ASTN1: variants seen among roughly 807,000 people sequenced by gnomAD.
ASTN1 encodes astrotactin-1.
Under a neutral mutation model 140.7 loss-of-function variants are expected in ASTN1, and 41 were observed. The observed-to-expected ratio is 0.29, with a 90% CI of 0.23 to 0.38. ASTN1 has a LOEUF of 0.38. ASTN1 is among the 10% of genes least tolerant of loss of function. The pLI, the probability that ASTN1 is intolerant of heterozygous loss-of-function variation, is 1.00. For synonymous variants in ASTN1, 640 were observed against 652.2 expected (o/e 0.98, Z 0.29); for missense variants, 1,479 against 1,678.8 (o/e 0.88, Z 2.08).
chr1:177,131,459 T>C (rs1220113259), intron 1 of ASTN1, among the ~76,000 whole-genome samples: 1 of 152,208 alleles, frequency 6.6e-6, no homozygotes, highest in African/African-American at 2.4e-5. Flanking sequence ...TTATGTTGTG[T>C]CACAAACTGA....
intron 8 of ASTN1, among the ~76,000 whole-genome samples, chr1:176,969,925 G>A (rs962961692): frequency 2.0e-5 from 3 of 152,204 alleles, no homozygotes; most frequent in African/African-American, 4.8e-5. Context: ...AGGAAGCACC[G>A]CAGACCCATG....
intron 2 of ASTN1, among the ~76,000 whole-genome samples, chr1:177,053,658 T>C (rs1364962899): frequency 1.3e-5 from 2 of 152,264 alleles, no homozygotes; most frequent in Non-Finnish European, 2.9e-5. Context: ...AATAATGCTT[T>C]GAAAATACTT....
chr1:177,076,748 T>C (rs1343848618), intron 1 of ASTN1, among the ~76,000 whole-genome samples: 1 of 152,022 alleles, frequency 6.6e-6, no homozygotes, highest in Non-Finnish European at 1.5e-5. Flanking sequence ...GTCTTGAACT[T>C]CTGACCTCAA....
intron 1 of ASTN1, among the ~76,000 whole-genome samples, chr1:177,074,989 AC>A (rs1162395924): frequency 6.6e-6 from 1 of 152,136 alleles, no homozygotes; most frequent in African/African-American, 2.4e-5. Context: ...CTTATTGGTA[AC>A]CCGGGTGGTT....
chr1:176,922,556 C>CAAAAAAAAAAAAAAAAAAAAAAAAAAA (rs71129589), intron 16 of ASTN1, among the ~76,000 whole-genome samples: 6 of 77,588 alleles, frequency 7.7e-5, no homozygotes, highest in African/African-American at 2.5e-4. Context: ...GCCCCCACTG[C>CAAAAAAAAAAAAAAAAAAAAAAAAAAA]AAAAAAAAAA....
chr1:177,125,290 G>C (rs935468893), intron 1 of ASTN1, among the ~76,000 whole-genome samples: 8 of 152,060 alleles, frequency 5.3e-5, no homozygotes, highest in African/African-American at 1.7e-4. Context: ...GATTAATTTA[G>C]GCAAAAAGCT....
chr1:177,042,907 C>T (rs1010537915), intron 2 of ASTN1, among the ~76,000 whole-genome samples: 4 of 152,196 alleles, frequency 2.6e-5, no homozygotes, highest in African/African-American at 9.7e-5. Context: ...AAGTGAGGAT[C>T]CCTAAATGTC....
chr1:177,164,322 G>C, intron 1 of ASTN1, 72 bp downstream of exon 1: 7 of 1,427,298 alleles, frequency 4.9e-6, no homozygotes, highest in Middle Eastern at 3.7e-4. Flanking sequence ...TGGGTGTGTA[G>C]AGCGAGCTGG....
At chr1:176,874,907 C>G (rs1316038283) in intron 21 of ASTN1, among the ~76,000 whole-genome samples, 4 of 152,028 alleles carry the variant, frequency 2.6e-5, no homozygotes, top group Non-Finnish European at 5.9e-5. Context: ...ATGTTGATTC[C>G]AGGTTCTCTG....
intron 1 of ASTN1, among the ~76,000 whole-genome samples, chr1:177,074,486 T>C (rs931738246): frequency 6.6e-6 from 1 of 152,204 alleles, no homozygotes; most frequent in African/African-American, 2.4e-5. Flanking sequence ...AGGACACTCA[T>C]TCAGGCTTGG....
chr1:176,871,231 G>T (rs924270963), intron 21 of ASTN1, among the ~76,000 whole-genome samples: 1 of 152,106 alleles, frequency 6.6e-6, no homozygotes. Context: ...GACAAGAAGA[G>T]GCCAAGGGAC....
intron 1 of ASTN1, among the ~76,000 whole-genome samples, chr1:177,150,247 C>A (rs892726187): frequency 6.6e-6 from 1 of 151,884 alleles, no homozygotes; most frequent in Non-Finnish European, 1.5e-5. Flanking sequence ...GAAGGGATGA[C>A]CAAAGTCAAT....
chr1:177,025,828 T>C (rs1010361995), intron 5 of ASTN1, among the ~76,000 whole-genome samples: 13 of 152,214 alleles, frequency 8.5e-5, no homozygotes, highest in Non-Finnish European at 4.4e-5. Flanking sequence ...GATGATTGTG[T>C]GTCAGGCTCC....
At chr1:176,874,645 T>G (rs1246046229) in intron 21 of ASTN1, among the ~76,000 whole-genome samples, 1 of 152,204 alleles carries the variant, frequency 6.6e-6, no homozygotes, top group Non-Finnish European at 1.5e-5. Flanking sequence ...GACTTCCTAG[T>G]AGACAGCAAG....
intron 22 of ASTN1, 33 bp downstream of exon 22, chr1:176,868,811 T>C: frequency 3.2e-6 from 5 of 1,549,922 alleles, no homozygotes; most frequent in Non-Finnish European, 4.4e-6. Context: ...TTTCAAGAAG[T>C]CTTTAAAAGG....
intron 2 of ASTN1, among the ~76,000 whole-genome samples, chr1:177,045,405 A>G (rs1310805919): frequency 6.6e-6 from 1 of 152,162 alleles, no homozygotes; most frequent in Non-Finnish European, 1.5e-5. Flanking sequence ...GACAAAACAC[A>G]AACAGCATTA....
chr1:176,969,567 T>A (rs77569661), intron 8 of ASTN1, among the ~76,000 whole-genome samples: 5,714 of 152,016 alleles, frequency 0.038, 167 homozygotes, highest in Non-Finnish European at 0.061. Context: ...ATGGTAAGAG[T>A]GTTGCCTCAA....
At chr1:177,029,863 A>T (rs1367457771) in intron 4 of ASTN1, 122 bp from the exon 5 acceptor site, 1 of 941,932 alleles carries the variant, frequency 1.1e-6, no homozygotes, top group African/African-American at 1.7e-5. Flanking sequence ...ATAATCTGGG[A>T]GAAATAGCCA....
At chr1:177,153,157 C>A (rs922992913) in intron 1 of ASTN1, among the ~76,000 whole-genome samples, 2 of 152,104 alleles carry the variant, frequency 1.3e-5, no homozygotes, top group African/African-American at 4.8e-5. Flanking sequence ...AGATTAATGC[C>A]TTCCTTGGAG....
Sources: allele counts gnomAD v4.1 joint callset (sites outside exome capture counted in the v4.1 genomes callset), GRCh38; gene constraint gnomAD v4.1.1; transcripts MANE v1.5; gene names NCBI Gene and HGNC (gene_info 2026-07-23, HGNC 2026-07-21).